Variants in JARID2 observed in about 807,000 individuals in gnomAD.
JARID2 encodes the protein protein Jumonji.
Under a neutral mutation model 125.6 loss-of-function variants are expected in JARID2, and 21 were observed. The ratio of observed to expected loss-of-function variants is 0.17; its 90% CI spans 0.12 to 0.24. The LOEUF (loss-of-function observed/expected upper bound fraction) is 0.24, where lower values mean the gene tolerates loss of function less well. Among genes scored for constraint, JARID2 ranks in the 10% least tolerant of loss-of-function variants. The probability of loss-of-function intolerance (pLI) is 1.00; values close to 1 mark genes in which losing one functional copy is unlikely to be tolerated. For missense variants in JARID2, 1,303 were observed against 1,639.6 expected, an observed-to-expected ratio of 0.79 and a Z score of 3.55; for synonymous variants, 736 against 661.6, an observed-to-expected ratio of 1.11 and a Z score of -1.73.
At position 15,398,431 on chromosome 6, in the gene JARID2, T is replaced by TAACA. The variant is rs1169452347; in HGVS notation, c.182-11793_182-11792insAACA. ...TGTAAGTTGTGTTGTTATTCCTAAA[T>TAACA]TGAATCCATTTCTTAGTGTTATTCT... is the stretch of plus-strand genomic sequence containing the variant. On this transcript the variant is annotated intron_variant, in intron 2 of 17. Transcript: ENST00000341776. Among the ~76,000 whole-genome samples the TAACA allele has an allele frequency of 2.0e-5, 3 of 152,366 alleles. No homozygotes were observed. The East Asian group carries it at 5.8e-4, about 29-fold the overall frequency.
intron 1 of JARID2, among the ~76,000 whole-genome samples, chr6:15,284,754 T>C (rs2127384564): frequency 6.6e-6 from 1 of 152,342 alleles, no homozygotes; most frequent in South Asian, 2.1e-4. Context: ...CCCAAAGTGC[T>C]GGGATTACAG....
rs79044544 is a variant in JARID2, at chr6:15,444,028, A to G, written c.324-7978A>G. On this transcript the variant is annotated intron_variant, in intron 3 of 17. Coordinates refer to ENST00000341776, the MANE Select transcript of JARID2 (RefSeq NM_004973.4). ...AACTTAATTAAGACAAGTGCTGCAAATATTTAATATCCTGCGGTTTTTTGC... is the reference window on the plus strand; with the variant it reads ...AACTTAATTAAGACAAGTGCTGCAAGTATTTAATATCCTGCGGTTTTTTGC... 7.2e-3 allele frequency among the ~76,000 whole-genome samples: 1,101 copies of G among 152,314 alleles called. 13 individuals are homozygous for G. The highest frequency in any genetic ancestry group is 0.025 in the African/African-American group (1,047 of 41,562).
At chr6:15,399,052 C>A (rs1438626782) in intron 2 of JARID2, among the ~76,000 whole-genome samples, 2 of 152,146 alleles carry the variant, frequency 1.3e-5, no homozygotes, top group Non-Finnish European at 2.9e-5. Context: ...AAATAGTCAT[C>A]CCCCGAATGT....
chr6:15,417,279 A>T (rs970902624), intron 3 of JARID2, among the ~76,000 whole-genome samples: 5 of 152,162 alleles, frequency 3.3e-5, no homozygotes, highest in African/African-American at 1.2e-4. Context: ...TATATCTTGA[A>T]CATTTACTTG....
At chr6:15,279,279 A>G (rs1279698619) in intron 1 of JARID2, among the ~76,000 whole-genome samples, 1 of 152,170 alleles carries the variant, frequency 6.6e-6, no homozygotes, top group Non-Finnish European at 1.5e-5. Flanking sequence ...TGTATTTTCA[A>G]CATTAGTGAA....
chr6:15,503,902 CAG>C (rs56950324), intron 8 of JARID2, among the ~76,000 whole-genome samples: 3,134 of 152,322 alleles, frequency 0.021, 98 homozygotes, highest in African/African-American at 0.07. Flanking sequence ...AACAGGGCAA[CAG>C]AGGGGCATCG....
chr6:15,407,665 T>A (rs1430562833), intron 2 of JARID2, among the ~76,000 whole-genome samples: 1 of 152,158 alleles, frequency 6.6e-6, no homozygotes, highest in Non-Finnish European at 1.5e-5. Context: ...CCACTTCGTG[T>A]TTTTAGGCTT....
At chr6:15,283,792 A>T (rs1160075741) in intron 1 of JARID2, among the ~76,000 whole-genome samples, 1 of 135,552 alleles carries the variant, frequency 7.4e-6, no homozygotes, top group Non-Finnish European at 1.5e-5. Context: ...TGCAAGCTCC[A>T]CCTCCTGGGT....
At chr6:15,326,914 A>G (rs1303691137) in intron 1 of JARID2, among the ~76,000 whole-genome samples, 1 of 152,246 alleles carries the variant, frequency 6.6e-6, no homozygotes, top group East Asian at 1.9e-4. Flanking sequence ...CATGTTTTCA[A>G]ATAAGGTCTA....
intron 1 of JARID2, among the ~76,000 whole-genome samples, chr6:15,318,631 A>G (rs1762254874): frequency 6.6e-6 from 1 of 152,082 alleles, no homozygotes; most frequent in Non-Finnish European, 1.5e-5. Context: ...TTTCCTTACA[A>G]GGCATCTCAG....
rs1767950833 is a variant in JARID2 at position 15,452,238 on chromosome 6, G to A, written c.493+63G>A. 2.3e-5 allele frequency: 36 copies of A among 1,585,014 alleles called. No homozygotes were observed. The South Asian group carries it at 3.5e-4, about 15-fold the overall frequency. ...ATCTACATGTAAGCCTGAGGTCTAC[G>A]TGGAGTAACCTTAGCTTTACTCTCT... On this transcript the variant is annotated intron_variant, in intron 4 of 17. Coordinates refer to ENST00000341776, the MANE Select transcript of JARID2 (RefSeq NM_004973.4).
rs1231706914 is a variant in JARID2 at position 15,512,925 on chromosome 6, G to A, written c.3146G>A (p.Arg1049His). 3 of 1,613,364 alleles carry A rather than the reference G, an allele frequency of 1.9e-6. No homozygotes were observed. The highest frequency in any genetic ancestry group is 1.3e-5 in the African/African-American group (1 of 74,724). Residue 1049 changes from arginine to histidine, a missense_variant, in exon 15 of 18, where the codon CGT becomes CAT. Arg to His is a conservative substitution (Grantham distance 29, BLOSUM62 0). Transcript: ENST00000341776. ...TGACTCCTCTTTCAGGAAATGAAGC[G>A]TCGCCATATAGCTAAGCCATTCTCC... ...MGFETAKEMK[R>H]RHIAKPFSME...
chr6:15,332,423 C>T (rs1035161346), intron 1 of JARID2, among the ~76,000 whole-genome samples: 2 of 152,184 alleles, frequency 1.3e-5, no homozygotes, highest in African/African-American at 4.8e-5. Context: ...TTTCATTAAC[C>T]TGGCAGGTAT....
chr6:15,383,168 A>G (rs1445207912), intron 2 of JARID2, among the ~76,000 whole-genome samples: 5 of 146,240 alleles, frequency 3.4e-5, no homozygotes, highest in Admixed American at 2.0e-4. Context: ...GTAGTCTAGA[A>G]TTTTTTTTTT....
chr6:15,348,378 C>G (rs62395380), intron 1 of JARID2, among the ~76,000 whole-genome samples: 4 of 152,152 alleles, frequency 2.6e-5, no homozygotes, highest in African/African-American at 9.7e-5. Flanking sequence ...GCGTGAGCCA[C>G]GGCACCTGGC....
At chr6:15,366,509 C>T (rs1490164071) in intron 1 of JARID2, among the ~76,000 whole-genome samples, 17 of 4,882 alleles carry the variant, frequency 3.5e-3, no homozygotes, top group Non-Finnish European at 7.2e-3. Context: ...GGGTGGGGGG[C>T]GGGGGGGGCG....
intron 1 of JARID2, among the ~76,000 whole-genome samples, chr6:15,251,628 C>T (rs1414768932): frequency 2.0e-5 from 3 of 152,180 alleles, no homozygotes; most frequent in African/African-American, 7.2e-5. Flanking sequence ...GTTCCCAAAT[C>T]TGGTTATTCC....
intron 3 of JARID2, among the ~76,000 whole-genome samples, chr6:15,413,086 C>G (rs1765975975): frequency 1.5e-5 from 2 of 131,974 alleles, no homozygotes; most frequent in South Asian, 2.5e-4. Flanking sequence ...ATGGTGCGAT[C>G]TCGGCTCACC....
chr6:15,505,630 G>A (rs964778007), intron 9 of JARID2, among the ~76,000 whole-genome samples: 1 of 152,318 alleles, frequency 6.6e-6, no homozygotes, highest in South Asian at 2.1e-4. Context: ...TACCTTTCAC[G>A]CCATTTTCAT....
Sources: gnomAD v4.1 joint callset for allele counts (sites outside exome capture counted in the v4.1 genomes callset) on GRCh38, gnomAD v4.1.1 for gene constraint, MANE v1.5 for transcripts, NCBI Gene and HGNC (gene_info 2026-07-23, HGNC 2026-07-21) for gene names.